LSM14A: variants seen among roughly 807,000 people sequenced by gnomAD.
The protein encoded by LSM14A is LSM14A mRNA processing body assembly factor, also known as protein LSM14 homolog A.
A neutral mutation model predicts 52.4 loss-of-function variants in LSM14A; 14 were observed. That is an observed-to-expected ratio of 0.27 (90% CI 0.18 to 0.42). LSM14A has a LOEUF of 0.42. Among genes scored for constraint, LSM14A ranks in the 10% least tolerant of loss-of-function variants. The pLI, the probability that LSM14A is intolerant of heterozygous loss-of-function variation, is 1.00. For missense variants in LSM14A, 417 were observed against 581.8 expected (o/e 0.72, Z 2.91); for synonymous variants, 185 against 200.3 (o/e 0.92, Z 0.64).
chr19:34,187,388 C>A (rs1241444734), intron 1 of LSM14A, among the ~76,000 whole-genome samples: 1 of 151,920 alleles, frequency 6.6e-6, no homozygotes, highest in African/African-American at 2.4e-5. Context: ...AGGCAATTCT[C>A]ATGCCTCAGC....
intron 3 of LSM14A, among the ~76,000 whole-genome samples, chr19:34,197,377 C>T (rs1034211725): frequency 6.6e-6 from 1 of 151,682 alleles, no homozygotes; most frequent in Non-Finnish European, 1.5e-5. Flanking sequence ...AGGTGTGAGC[C>T]ACTGCGCCTG....
At chr19:34,204,565 T>A (rs1339977812) in intron 3 of LSM14A, among the ~76,000 whole-genome samples, 3 of 129,810 alleles carry the variant, frequency 2.3e-5, no homozygotes, top group Non-Finnish European at 3.4e-5. Flanking sequence ...AAAAAAAAAA[T>A]TTAAGTAGCT....
chr19:34,221,832 T>C, intron 9 of LSM14A, 94 bp downstream of exon 9: 1 of 1,477,080 alleles, frequency 6.8e-7, no homozygotes, highest in East Asian at 2.4e-5. Flanking sequence ...TGAATTGTTT[T>C]GAGGACATTA....
At chr19:34,212,817 A>G (rs190840066) in intron 4 of LSM14A, among the ~76,000 whole-genome samples, 1 of 152,320 alleles carries the variant, frequency 6.6e-6, no homozygotes, top group Admixed American at 6.5e-5. Flanking sequence ...AGTACACAAC[A>G]AATGTTTCTG....
intron 4 of LSM14A, among the ~76,000 whole-genome samples, chr19:34,213,128 G>A (rs1337429730): frequency 6.7e-6 from 1 of 148,480 alleles, no homozygotes; most frequent in Non-Finnish European, 1.5e-5. Context: ...TCCAGCCAGA[G>A]CAACAGAACA....
At chr19:34,224,560 G>T (rs1056315422) in intron 9 of LSM14A, among the ~76,000 whole-genome samples, 2 of 152,210 alleles carry the variant, frequency 1.3e-5, no homozygotes, top group Non-Finnish European at 2.9e-5. Context: ...CTTAGGTGTT[G>T]CCAGGAGTGA....
At chr19:34,223,296 C>T (rs2073165308) in intron 9 of LSM14A, among the ~76,000 whole-genome samples, 1 of 152,066 alleles carries the variant, frequency 6.6e-6, no homozygotes, top group South Asian at 2.1e-4. Flanking sequence ...CTATGTTGTC[C>T]AGGCTGGTCT....
chr19:34,192,316 GTTGTTTTTTTTT>G (rs1482941613), intron 1 of LSM14A, among the ~76,000 whole-genome samples: 3 of 65,822 alleles, frequency 4.6e-5, no homozygotes, highest in Non-Finnish European at 8.7e-5. Context: ...CATTCTTTTT[GTTGTTTTTTTTT>G]TTTTTTTTTT....
chr19:34,187,098 A>G (rs2069968242), intron 1 of LSM14A, among the ~76,000 whole-genome samples: 1 of 151,436 alleles, frequency 6.6e-6, no homozygotes, highest in African/African-American at 2.4e-5. Context: ...AAATACAAAC[A>G]TTAGCCTGGG....
intron 1 of LSM14A, among the ~76,000 whole-genome samples, 162 bp from the exon 2 acceptor site, chr19:34,194,314 CTA>C (rs1829629001): frequency 6.6e-6 from 1 of 152,168 alleles, no homozygotes; most frequent in Non-Finnish European, 1.5e-5. Flanking sequence ...AAAAGCCACT[CTA>C]TTTTCCTCTT....
Position 34,228,972 on chromosome 19 carries a change from CAA to C in LSM14A, c.*1587_*1588del, listed in dbSNP as rs1332907704. The C allele has an allele frequency of 6.6e-6, 1 of 152,360 alleles. No individual in the cohort carries two copies. Among genetic ancestry groups the C allele is most frequent in the Non-Finnish European group, 1.5e-5 (1 of 68,042 alleles). 9.4% of individuals were successfully genotyped at this position (152,360 alleles called of 1,614,324 possible). A position where few individuals can be genotyped will look rare whatever the true frequency, so the allele number is the denominator to read the frequency against. On this transcript the variant is annotated 3_prime_UTR_variant, in exon 10 of 10. Transcript: ENST00000544216. ...GTGCTGTTTGCTTGCATGTTAACAA[CAA>C]AACCTTTTAGAGGACCCACAAATCA...
intron 6 of LSM14A, among the ~76,000 whole-genome samples, chr19:34,218,946 A>G (rs2072871559): frequency 6.6e-6 from 1 of 152,156 alleles, no homozygotes; most frequent in Non-Finnish European, 1.5e-5. Context: ...TTCTTACTAT[A>G]AATCTTGGTT....
At chr19:34,181,138 C>T (rs2069451132) in intron 1 of LSM14A, among the ~76,000 whole-genome samples, 2 of 152,128 alleles carry the variant, frequency 1.3e-5, no homozygotes, top group Admixed American at 1.3e-4. Context: ...CTAAGACCAC[C>T]CTTCCACTTG....
intron 3 of LSM14A, among the ~76,000 whole-genome samples, chr19:34,206,384 A>G (rs1388709689): frequency 2.0e-5 from 3 of 151,706 alleles, no homozygotes; most frequent in Non-Finnish European, 4.4e-5. Flanking sequence ...AAAAGTAAAA[A>G]AAGACTGGGT....
rs1290424688 is a variant in LSM14A, at chr19:34,185,807, CAGAA to C, written c.122-8667_122-8664del. 2.6e-5 allele frequency among the ~76,000 whole-genome samples: 4 copies of C among 152,142 alleles called. No homozygotes were observed. In the East Asian group the frequency reaches 5.8e-4, roughly 22 times the overall value. ...AAGAGCTGTACATATATATAAATGT[CAGAA>C]AGAGAAGAAAAATACTAACTGTAAC... On this transcript the variant is annotated intron_variant, in intron 1 of 9. Coordinates refer to ENST00000544216, the MANE Select transcript of LSM14A (RefSeq NM_015578.4).
intron 1 of LSM14A, among the ~76,000 whole-genome samples, chr19:34,177,515 G>T (rs575916128): frequency 4.5e-4 from 69 of 152,242 alleles, no homozygotes; most frequent in African/African-American, 1.6e-3. Context: ...ATTTGATGTG[G>T]TATATAATTA....
intron 9 of LSM14A, chr19:34,226,285 A>G (rs1012125644): frequency 9.8e-7 from 1 of 1,020,172 alleles, no homozygotes; most frequent in Non-Finnish European, 1.4e-6. Context: ...TTCAAAGACA[A>G]CAAGGTGTCT....
At chr19:34,179,734 A>G (rs2069341572) in intron 1 of LSM14A, among the ~76,000 whole-genome samples, 1 of 152,230 alleles carries the variant, frequency 6.6e-6, no homozygotes, top group Non-Finnish European at 1.5e-5. Flanking sequence ...TTATCTGTGC[A>G]TGATACATAG....
At chr19:34,175,157 T>G (rs559663058) in intron 1 of LSM14A, among the ~76,000 whole-genome samples, 11 of 152,280 alleles carry the variant, frequency 7.2e-5, no homozygotes, top group African/African-American at 2.6e-4. Flanking sequence ...AAAAATTTTT[T>G]TAATCATTGA....
Sources: gnomAD v4.1 joint callset for allele counts (sites outside exome capture counted in the v4.1 genomes callset) on GRCh38, gnomAD v4.1.1 for gene constraint, MANE v1.5 for transcripts, NCBI Gene and HGNC (gene_info 2026-07-23, HGNC 2026-07-21) for gene names.